CCSER1: variants seen among roughly 807,000 people sequenced by gnomAD.
The protein encoded by CCSER1 is serine-rich coiled-coil domain-containing protein 1.
A neutral mutation model predicts 82.0 loss-of-function variants in CCSER1; 41 were observed. That is an observed-to-expected ratio of 0.50 (90% CI 0.39 to 0.65). The LOEUF (loss-of-function observed/expected upper bound fraction) is 0.65. CCSER1 is among the 30% of genes least tolerant of loss of function. The pLI is 0.00. For synonymous variants in CCSER1, 414 were observed against 383.9 expected (o/e 1.08, Z -0.92); for missense variants, 1,119 against 1,064.2 (o/e 1.05, Z -0.72).
chr4:91,445,748 T>A (rs976623834), intron 10 of CCSER1, among the ~76,000 whole-genome samples: 1 of 152,020 alleles, frequency 6.6e-6, no homozygotes, highest in Non-Finnish European at 1.5e-5. Flanking sequence ...ACCCCCAAAT[T>A]TGCAAAGGTA....
At chr4:91,265,188 A>G (rs1482796351) in intron 10 of CCSER1, among the ~76,000 whole-genome samples, 1 of 152,060 alleles carries the variant, frequency 6.6e-6, no homozygotes, top group Non-Finnish European at 1.5e-5. Flanking sequence ...CTAAAATTTG[A>G]TATCAGTATT....
intron 1 of CCSER1, among the ~76,000 whole-genome samples, chr4:90,229,891 G>T (rs370393390): frequency 1.1e-4 from 16 of 152,214 alleles, no homozygotes; most frequent in Admixed American, 4.6e-4. Flanking sequence ...TACATAATGG[G>T]AAAGGGATCA....
At chr4:90,745,127 A>G (rs1016031875) in intron 7 of CCSER1, among the ~76,000 whole-genome samples, 17 of 152,124 alleles carry the variant, frequency 1.1e-4, no homozygotes, top group African/African-American at 9.7e-5. Context: ...AAGAAAATCA[A>G]TATGATGGCC....
intron 1 of CCSER1, among the ~76,000 whole-genome samples, chr4:90,248,263 G>A (rs1721795062): frequency 6.6e-6 from 1 of 152,106 alleles, no homozygotes; most frequent in Non-Finnish European, 1.5e-5. Flanking sequence ...CACACAACAG[G>A]TCCTTAATAA....
intron 9 of CCSER1, among the ~76,000 whole-genome samples, chr4:90,977,834 A>G (rs1208576874): frequency 6.6e-6 from 1 of 151,698 alleles, no homozygotes; most frequent in East Asian, 1.9e-4. Flanking sequence ...AGATTAGCTC[A>G]TAAGCAAACA....
chr4:90,774,765 A>G (rs1267860968), intron 7 of CCSER1, among the ~76,000 whole-genome samples: 1 of 152,076 alleles, frequency 6.6e-6, no homozygotes, highest in African/African-American at 2.4e-5. Context: ...TGAGCCTGGC[A>G]TATGAAACAA....
At chr4:91,271,430 C>G (rs943001041) in intron 10 of CCSER1, among the ~76,000 whole-genome samples, 18 of 152,102 alleles carry the variant, frequency 1.2e-4, no homozygotes, top group South Asian at 2.1e-4. Flanking sequence ...CCACCCTTTC[C>G]TCCTGAGTCC....
At chr4:91,235,292 T>C (rs1345109259) in intron 10 of CCSER1, among the ~76,000 whole-genome samples, 2 of 152,142 alleles carry the variant, frequency 1.3e-5, no homozygotes, top group African/African-American at 2.4e-5. Flanking sequence ...ATTGTTAGTA[T>C]AGTTTTATGT....
chr4:91,004,781 TA>T (rs1449414863), intron 9 of CCSER1, among the ~76,000 whole-genome samples: 43 of 152,216 alleles, frequency 2.8e-4, no homozygotes, highest in African/African-American at 1.0e-3. Context: ...TGCTCATAAA[TA>T]AAAATATTTT....
At chr4:91,466,937 A>G (rs191210049) in intron 10 of CCSER1, among the ~76,000 whole-genome samples, 3 of 152,330 alleles carry the variant, frequency 2.0e-5, no homozygotes, top group Admixed American at 6.5e-5. Flanking sequence ...GCCCAAGGTA[A>G]TTTATAGATT....
intron 10 of CCSER1, among the ~76,000 whole-genome samples, chr4:91,198,729 A>G (rs1191410533): frequency 6.6e-6 from 1 of 152,180 alleles, no homozygotes; most frequent in African/African-American, 2.4e-5. Flanking sequence ...GTGGTGGAAA[A>G]TTAGCCCCAG....
At chr4:90,872,085 A>G (rs1766592841) in intron 8 of CCSER1, among the ~76,000 whole-genome samples, 1 of 151,318 alleles carries the variant, frequency 6.6e-6, no homozygotes, top group African/African-American at 2.4e-5. Context: ...TCCTGTAGAG[A>G]GCAGATAGTT....
intron 10 of CCSER1, among the ~76,000 whole-genome samples, chr4:91,516,312 G>C (rs2110128351): frequency 6.6e-6 from 1 of 152,108 alleles, no homozygotes; most frequent in Admixed American, 6.5e-5. Context: ...TATTTCCTAG[G>C]TTATTTTCCA....
intron 10 of CCSER1, among the ~76,000 whole-genome samples, chr4:91,461,829 G>T (rs529829425): frequency 6.6e-6 from 1 of 152,246 alleles, no homozygotes; most frequent in South Asian, 2.1e-4. Flanking sequence ...TTCTAAGCAG[G>T]CATGTAGCAG....
At chr4:90,242,234 G>C (rs1241173345) in intron 1 of CCSER1, among the ~76,000 whole-genome samples, 1 of 152,220 alleles carries the variant, frequency 6.6e-6, no homozygotes, top group Non-Finnish European at 1.5e-5. Flanking sequence ...CTGAGCATGG[G>C]AGACGGAGCT....
At chr4:90,616,683 T>TCTCACA (rs1280026240) in intron 5 of CCSER1, among the ~76,000 whole-genome samples, 6 of 120,306 alleles carry the variant, frequency 5.0e-5, no homozygotes, top group Non-Finnish European at 8.5e-5. Context: ...TGGCTCTGTC[T>TCTCACA]CACACACACA....
chr4:90,523,632 T>C (rs1480424634), intron 5 of CCSER1, among the ~76,000 whole-genome samples: 1 of 152,144 alleles, frequency 6.6e-6, no homozygotes, highest in Non-Finnish European at 1.5e-5. Context: ...AATATCAAAG[T>C]TCTGTGATTT....
intron 10 of CCSER1, among the ~76,000 whole-genome samples, chr4:91,259,263 C>T (rs1317143239): frequency 2.0e-5 from 3 of 151,996 alleles, no homozygotes; most frequent in Non-Finnish European, 2.9e-5. Flanking sequence ...TCTTTATAAA[C>T]CAAAACATTA....
chr4:90,847,833 T>C (rs1763397744), intron 8 of CCSER1, among the ~76,000 whole-genome samples: 1 of 152,226 alleles, frequency 6.6e-6, no homozygotes, highest in African/African-American at 2.4e-5. Context: ...ATTTGATTGC[T>C]GTTTTACTTT....
Sources: allele counts gnomAD v4.1 joint callset (sites outside exome capture counted in the v4.1 genomes callset), GRCh38; gene constraint gnomAD v4.1.1; transcripts MANE v1.5; gene names NCBI Gene and HGNC (gene_info 2026-07-23, HGNC 2026-07-21).